Variants in ROPN1 observed in about 807,000 individuals in gnomAD.
ROPN1 encodes rhophilin associated tail protein 1.
Under a neutral mutation model 20.5 loss-of-function variants are expected in ROPN1, and 14 were observed. The ratio of observed to expected loss-of-function variants is 0.68; its 90% CI spans 0.45 to 1.07. The LOEUF is 1.07. ROPN1 is among the 50% of genes least tolerant of loss of function. ROPN1 has a pLI of 0.00. For synonymous variants in ROPN1, 76 were observed against 95.7 expected, an observed-to-expected ratio of 0.79 and a Z score of 1.20; for missense variants, 169 against 242.8, an observed-to-expected ratio of 0.70 and a Z score of 2.02.
intron 4 of ROPN1, among the ~76,000 whole-genome samples, chr3:123,971,049 GGAT>G (rs57593954): frequency 0.081 from 12,316 of 152,120 alleles, 1,219 homozygotes; most frequent in East Asian, 0.42. Flanking sequence ...GATGATGTAC[GGAT>G]CATCCTGACA....
chr3:123,980,733 G>A (rs894789056), intron 1 of ROPN1: 1 of 385,620 alleles, frequency 2.6e-6, no homozygotes, highest in African/African-American at 2.0e-5. Flanking sequence ...CATTTAAAAA[G>A]TGGAGGTCAG....
At position 123,984,197 on chromosome 3, in the gene ROPN1, C is replaced by A. The variant is rs147747954; in HGVS notation, c.-12-3704G>T. On this transcript the variant is annotated intron_variant, in intron 1 of 5. Coordinates refer to ENST00000405845, the MANE Select transcript of ROPN1 (RefSeq NM_001317774.2). The stretch of plus-strand genomic sequence containing the variant: ...AGCCTCTTCACGGCTTTATCTACGA[C>A]AAAACTGTGTGGATTGCACTTGTTT... Among the ~76,000 whole-genome samples, 150 of 152,282 alleles carry A rather than the reference C, an allele frequency of 9.9e-4. 1 individual carries two copies. Among genetic ancestry groups the A allele is most frequent in the Non-Finnish European group, 1.7e-3 (114 of 68,034 alleles).
intron 5 of ROPN1, 33 bp from the exon 6 acceptor site, chr3:123,969,254 C>T: frequency 1.3e-6 from 2 of 1,493,758 alleles, no homozygotes; most frequent in Non-Finnish European, 1.9e-6. Context: ...GCAGTTAGTT[C>T]ATTGACAGTT....
chr3:123,987,603 T>C (rs1411862749), intron 1 of ROPN1, among the ~76,000 whole-genome samples: 2 of 152,248 alleles, frequency 1.3e-5, no homozygotes, highest in Admixed American at 1.3e-4. Flanking sequence ...CTCCCCAATT[T>C]GCCTTATTCG....
In ROPN1 at chr3:123,980,339, G is replaced by A. The variant is rs753696786; in HGVS notation, c.116+27C>T. 1.2e-5 allele frequency: 20 copies of A among 1,610,972 alleles called. No homozygotes were observed. The East Asian group carries it at 1.3e-4, about 11-fold the overall frequency. On this transcript the variant is annotated intron_variant, in intron 2 of 5. Coordinates refer to ENST00000405845, the MANE Select transcript of ROPN1 (RefSeq NM_001317774.2). Reference sequence around the variant, plus strand: ...CCTCTGTCTCCGGCCGTCCTCCAAGGGGTGAAGGCGAGAAAGGAGCACGTA... The same window carrying A: ...CCTCTGTCTCCGGCCGTCCTCCAAGAGGTGAAGGCGAGAAAGGAGCACGTA...
chr3:123,970,144 G>A lies in ROPN1; in HGVS notation c.470C>T (p.Pro157Leu), dbSNP rs1185028157. Residue 157 changes from proline (P) to leucine (L), a missense_variant, in exon 5 of 6, where the codon CCG becomes CTG. Around this residue, in one of 3 missense-constraint regions of ROPN1, gnomAD observed 82 missense variants for 100.1 expected, o/e 0.82. Coordinates refer to ENST00000405845, the MANE Select transcript of ROPN1 (RefSeq NM_001317774.2). The stretch of plus-strand genomic sequence containing the variant: ...GTAGAGAAACTGGAAGGTGCTGAAC[G>A]GGATCCGGGGCGACCCACCATTATG... ...CDHNGGSPRIPFSTFQFLYTY... is the reference protein window; with the variant it reads ...CDHNGGSPRILFSTFQFLYTY... 9 of 1,613,968 alleles carry A rather than the reference G, an allele frequency of 5.6e-6. No homozygotes were observed. Among genetic ancestry groups the A allele is most frequent in the East Asian group, 4.5e-5 (2 of 44,884 alleles).
At chr3:123,987,699 C>A (rs1174460135) in intron 1 of ROPN1, among the ~76,000 whole-genome samples, 1 of 152,244 alleles carries the variant, frequency 6.6e-6, no homozygotes, top group African/African-American at 2.4e-5. Flanking sequence ...GTCAACACAG[C>A]ATTTGGATGC....
At chr3:123,976,810 C>G (rs1168387945) in intron 3 of ROPN1, 54 bp downstream of exon 3, 58 of 1,553,438 alleles carry the variant, frequency 3.7e-5, no homozygotes, top group Non-Finnish European at 5.0e-5. Context: ...TCTGTACCCA[C>G]CCAGCCTCAA....
Position 123,970,212 on chromosome 3 carries a change from A to C in ROPN1, c.402T>G (p.Ile134Met). 1 of 1,613,224 alleles carries C rather than the reference A, an allele frequency of 6.2e-7. No homozygotes were observed. The highest frequency in any genetic ancestry group is 8.5e-7 in the Non-Finnish European group (1 of 1,179,256). Residue 134 changes from isoleucine to methionine, a missense_variant, in exon 5 of 6, where the codon ATT (isoleucine) becomes ATG (methionine). Physicochemically the swap from Ile to Met is conservative, Grantham distance 10. This residue lies in a region of ROPN1 where 82 missense variants were observed against 100.1 expected (regional missense o/e 0.82). Coordinates refer to ENST00000405845, the MANE Select transcript of ROPN1 (RefSeq NM_001317774.2). ...CACACACTATCTTGAGAGTTTTGGT[A>C]ATAGTCTATAAAAGTTAGATAAAAT... ...ALACSALGVT[I>M]TKTLKIVCEV... is the part of the protein sequence containing the mutation.
intron 4 of ROPN1, among the ~76,000 whole-genome samples, chr3:123,973,721 A>G (rs1300984814): frequency 1.3e-5 from 2 of 152,208 alleles, no homozygotes; most frequent in Non-Finnish European, 2.9e-5. Flanking sequence ...GAAGTAGACC[A>G]CCAGAGCCAG....
At chr3:123,980,140 C>T in intron 2 of ROPN1, 1 of 584,634 alleles carries the variant, frequency 1.7e-6, no homozygotes, top group Non-Finnish European at 3.1e-6. Flanking sequence ...ACCTGGCGTC[C>T]TACTGCTCAA....
At chr3:123,977,676 G>A (rs1181549118) in intron 2 of ROPN1, among the ~76,000 whole-genome samples, 1 of 152,252 alleles carries the variant, frequency 6.6e-6, no homozygotes, top group African/African-American at 2.4e-5. Context: ...CAGCCTGCAA[G>A]GCTCAGGAGA....
At chr3:123,991,887 C>G in intron 1 of ROPN1, 35 bp downstream of exon 1, 1 of 146,854 alleles carries the variant, frequency 6.8e-6, no homozygotes, top group Non-Finnish European at 1.5e-5. Context: ...CGCTCAGAGC[C>G]CTGCCCTCCC....
intron 4 of ROPN1, among the ~76,000 whole-genome samples, chr3:123,973,817 C>T (rs2037961074): frequency 6.6e-6 from 1 of 152,200 alleles, no homozygotes; most frequent in African/African-American, 2.4e-5. Flanking sequence ...GAGGCATCAT[C>T]AGCCTTTCAC....
At chr3:123,980,897 G>A (rs1046482718) in intron 1 of ROPN1, among the ~76,000 whole-genome samples, 1 of 152,086 alleles carries the variant, frequency 6.6e-6, no homozygotes, top group Non-Finnish European at 1.5e-5. Context: ...TTTCCATGTC[G>A]TCCAGCACTT....
intron 4 of ROPN1, chr3:123,974,720 A>G (rs1468682102): frequency 2.0e-5 from 3 of 152,948 alleles, no homozygotes; most frequent in African/African-American, 7.2e-5. Context: ...AACAATGTTT[A>G]GCAATGTAAG....
chr3:123,989,227 C>A (rs1014374475), intron 1 of ROPN1, among the ~76,000 whole-genome samples: 10 of 152,150 alleles, frequency 6.6e-5, no homozygotes, highest in Admixed American at 1.3e-4. Flanking sequence ...CTAAAGTGGA[C>A]AAAGCAGGAG....
At chr3:123,989,094 A>G (rs2038338802) in intron 1 of ROPN1, among the ~76,000 whole-genome samples, 1 of 152,168 alleles carries the variant, frequency 6.6e-6, no homozygotes, top group Admixed American at 6.5e-5. Flanking sequence ...CAGGGCAGGT[A>G]TTCAGTAAGC....
At chr3:123,972,520 A>G (rs2037937012) in intron 4 of ROPN1, among the ~76,000 whole-genome samples, 1 of 152,214 alleles carries the variant, frequency 6.6e-6, no homozygotes, top group South Asian at 2.1e-4. Flanking sequence ...TTCCTTTTTT[A>G]ATAATCAGTT....
Sources: gnomAD v4.1 joint callset for allele counts (sites outside exome capture counted in the v4.1 genomes callset) on GRCh38, gnomAD v4.1.1 for gene constraint, gnomAD v4.1.1 regional missense constraint, MANE v1.5 for transcripts, NCBI Gene and HGNC (gene_info 2026-07-23, HGNC 2026-07-21) for gene names.